The following ADAP2 variants were observed in gnomAD, a reference collection of about 807,000 sequenced individuals.
The protein encoded by ADAP2 is arf-GAP with dual PH domain-containing protein 2.
A neutral mutation model predicts 54.9 loss-of-function variants in ADAP2; 42 were observed. The ratio of observed to expected loss-of-function variants is 0.77; its 90% CI spans 0.60 to 0.99. The LOEUF (loss-of-function observed/expected upper bound fraction) is 0.99. Among genes scored for constraint, ADAP2 ranks in the 50% least tolerant of loss-of-function variants. The pLI is 0.00. For synonymous variants in ADAP2, 177 were observed against 180.1 expected (o/e 0.98, Z 0.14); for missense variants, 429 against 480.4 (o/e 0.89, Z 1.00).
At chr17:30,942,593 A>G (rs1056119845) in intron 5 of ADAP2, among the ~76,000 whole-genome samples, 4 of 152,228 alleles carry the variant, frequency 2.6e-5, no homozygotes, top group East Asian at 1.9e-4. Flanking sequence ...ATCTCAATAT[A>G]TATATCGGAA....
intron 6 of ADAP2, among the ~76,000 whole-genome samples, chr17:30,946,169 A>T (rs1416106637): frequency 6.6e-6 from 1 of 152,088 alleles, no homozygotes; most frequent in South Asian, 2.1e-4. Context: ...AAACAAAAAA[A>T]ACAAAAAAAC....
intron 5 of ADAP2, among the ~76,000 whole-genome samples, chr17:30,943,087 C>T (rs1005065827): frequency 2.0e-5 from 3 of 152,186 alleles, no homozygotes; most frequent in Non-Finnish European, 4.4e-5. Flanking sequence ...TACTATAGGC[C>T]GGATGCAGTG....
At chr17:30,922,195 G>A (rs1410435549) in intron 1 of ADAP2, 87 bp downstream of exon 1, 4 of 921,104 alleles carry the variant, frequency 4.3e-6, no homozygotes, top group African/African-American at 1.9e-5. Flanking sequence ...ACCGGGTCCC[G>A]CCCTCGGCCC....
chr17:30,922,576 C>T (rs901562372), intron 1 of ADAP2, among the ~76,000 whole-genome samples: 1 of 152,190 alleles, frequency 6.6e-6, no homozygotes, highest in Non-Finnish European at 1.5e-5. Context: ...CAGACGCCCC[C>T]CGAAGGCCTC....
intron 6 of ADAP2, 35 bp from the exon 7 acceptor site, chr17:30,949,252 T>G: frequency 1.3e-6 from 2 of 1,507,846 alleles, no homozygotes; most frequent in Non-Finnish European, 1.8e-6. Flanking sequence ...CCCATCTCAC[T>G]GCTGTGTGTG....
In ADAP2 at chr17:30,941,698, G is replaced by T. The variant is rs930891456; in HGVS notation, c.511-3209G>T. 6.6e-5 allele frequency among the ~76,000 whole-genome samples: 10 copies of T among 152,216 alleles called. 1 individual carries two copies. The highest frequency in any genetic ancestry group is 6.5e-4 in the Admixed American group (10 of 15,290). ...CTTTTCTAAGTCACCTTGTATAAGAGTATTATATGATCTCATTTATATGAA... is the reference window on the plus strand; with the variant it reads ...CTTTTCTAAGTCACCTTGTATAAGATTATTATATGATCTCATTTATATGAA... On this transcript the variant is annotated intron_variant, in intron 5 of 10. Coordinates refer to ENST00000330889, the MANE Select transcript of ADAP2 (RefSeq NM_018404.3).
At chr17:30,947,923 T>A (rs1912795075) in intron 6 of ADAP2, among the ~76,000 whole-genome samples, 1 of 152,124 alleles carries the variant, frequency 6.6e-6, no homozygotes. Flanking sequence ...GTTGCTGTGG[T>A]TAAGCAGGGG....
In ADAP2 at chr17:30,958,031, C is replaced by T. The variant is rs1021204515; in HGVS notation, c.*162C>T. The T allele has an allele frequency of 5.7e-6, 4 of 696,612 alleles. No homozygotes were observed. Among genetic ancestry groups the T allele is most frequent in the Non-Finnish European group, 1.0e-5 (4 of 397,580 alleles). The allele number at this position is 696,612 out of a possible 1,614,324, so 43.2% of individuals were successfully genotyped here. A position where few individuals can be genotyped will look rare whatever the true frequency, so the allele number is the denominator to read the frequency against. ...GAAGCTGTGGCTTTATCCATCAGCT[C>T]CCTGGGCCTTCCCCGCAACCCACCT... is the stretch of plus-strand genomic sequence containing the variant. On this transcript the variant is annotated 3_prime_UTR_variant, in exon 11 of 11. Coordinates refer to ENST00000330889, the MANE Select transcript of ADAP2 (RefSeq NM_018404.3).
chr17:30,939,391 G>T (rs1912096717), intron 5 of ADAP2, among the ~76,000 whole-genome samples: 1 of 150,066 alleles, frequency 6.7e-6, no homozygotes, highest in African/African-American at 2.5e-5. Flanking sequence ...AAAACTTTTG[G>T]GTAATACAAA....
intron 10 of ADAP2, among the ~76,000 whole-genome samples, chr17:30,957,119 C>T (rs1344361662): frequency 6.6e-6 from 1 of 152,204 alleles, no homozygotes; most frequent in Non-Finnish European, 1.5e-5. Flanking sequence ...CAGGTGACCC[C>T]CGCACAGCCC....
chr17:30,929,779 C>T (rs1911338960), intron 3 of ADAP2, among the ~76,000 whole-genome samples: 1 of 152,192 alleles, frequency 6.6e-6, no homozygotes, highest in South Asian at 2.1e-4. Flanking sequence ...TCACTGCAGC[C>T]CCAACCTCCT....
chr17:30,921,989 GC>G lies in ADAP2; in HGVS notation c.-22del. On this transcript the variant is annotated 5_prime_UTR_variant, in exon 1 of 11. Coordinates refer to ENST00000330889, the MANE Select transcript of ADAP2 (RefSeq NM_018404.3). ...GCGGAGCGCACGGGCCATGGGCTGA[GC>G]CCCGCTGAGCCCGCCGGGCCGGCCA... is the stretch of plus-strand genomic sequence containing the variant. 1 of 1,259,252 alleles carries G rather than the reference GC, an allele frequency of 7.9e-7. No individual in the cohort carries two copies. The highest frequency in any genetic ancestry group is 1.0e-6 in the Non-Finnish European group (1 of 1,004,720). 78.0% of individuals were successfully genotyped at this position (1,259,252 alleles called of 1,614,324 possible).
intron 5 of ADAP2, among the ~76,000 whole-genome samples, chr17:30,936,825 C>T (rs982545759): frequency 6.6e-6 from 1 of 152,106 alleles, no homozygotes; most frequent in South Asian, 2.1e-4. Flanking sequence ...GTCACTTATA[C>T]ATGTAGGATT....
At chr17:30,949,190 C>A in intron 6 of ADAP2, 97 bp from the exon 7 acceptor site, 1 of 950,428 alleles carries the variant, frequency 1.1e-6, no homozygotes, top group Non-Finnish European at 1.7e-6. Context: ...ATATGTGCCC[C>A]ACACCCAATG....
chr17:30,922,871 C>A, intron 1 of ADAP2, 69 bp from the exon 2 acceptor site: 2 of 1,566,364 alleles, frequency 1.3e-6, no homozygotes, highest in Non-Finnish European at 1.7e-6. Flanking sequence ...TGCCCCAGTG[C>A]CCCGAGCCCA....
Position 30,934,131 on chromosome 17 carries a change from G to T in ADAP2, c.398-54G>T, listed in dbSNP as rs912422235. The T allele has an allele frequency of 3.4e-5, 48 of 1,419,264 alleles. No individual in the cohort carries two copies. The African/African-American group carries it at 6.5e-4, about 19-fold the overall frequency. 87.9% of individuals were successfully genotyped at this position (1,419,264 alleles called of 1,614,324 possible). ...TGAGAACCTCAGAGGTTCCTGAGCT[G>T]CTTGTGATCTTAAGGTCACGTGTGT... On this transcript the variant is annotated intron_variant, in intron 4 of 10. Coordinates refer to ENST00000330889, the MANE Select transcript of ADAP2 (RefSeq NM_018404.3).
At chr17:30,953,228 G>T in intron 7 of ADAP2, 60 bp from the exon 8 acceptor site, 1 of 1,564,316 alleles carries the variant, frequency 6.4e-7, no homozygotes, top group Non-Finnish European at 8.8e-7. Context: ...AGCCAAGCTC[G>T]GCGGGAACCT....
At chr17:30,928,720 G>T (rs944886779) in intron 3 of ADAP2, among the ~76,000 whole-genome samples, 2 of 152,136 alleles carry the variant, frequency 1.3e-5, no homozygotes, top group African/African-American at 4.8e-5. Flanking sequence ...TTATATAAGA[G>T]GGGGGCTTTG....
In ADAP2 at chr17:30,956,447, C is replaced by G. The variant is rs1316243516; in HGVS notation, c.1089C>G (p.Pro363=). The G allele has an allele frequency of 6.2e-7, 1 of 1,614,190 alleles. No homozygotes were observed. The highest frequency in any genetic ancestry group is 1.1e-5 in the South Asian group (1 of 91,086). ...GTTTGCGGGGTGTCCTGTCCAGCCC[C>G]TTGACGCCCCTCAACCGGCTTAGTA... ...LESLRGVLSS[P]LTPLNRLTAS... The change falls in exon 10 of 11, where the codon CCC becomes CCG. Residue 363 remains proline, a synonymous_variant. Transcript: ENST00000330889.
Sources: allele counts gnomAD v4.1 joint callset (sites outside exome capture counted in the v4.1 genomes callset), GRCh38; gene constraint gnomAD v4.1.1; transcripts MANE v1.5; gene names NCBI Gene and HGNC (gene_info 2026-07-23, HGNC 2026-07-21).